WDR7: variants seen among roughly 807,000 people sequenced by gnomAD.
The protein encoded by WDR7 is WD repeat domain 7, also known as WD repeat-containing protein 7.
In WDR7, 46 loss-of-function variants were observed where a neutral mutation model predicts 169.4. The ratio of observed to expected loss-of-function variants is 0.27; its 90% CI spans 0.21 to 0.35. The LOEUF is 0.35. Ranked by LOEUF, WDR7 falls within the 10% of genes least tolerant of loss-of-function variation. The probability of loss-of-function intolerance (pLI) is 1.00; values close to 1 mark genes in which losing one functional copy is unlikely to be tolerated. For synonymous variants in WDR7, 612 were observed against 666.8 expected (o/e 0.92, Z 1.27); for missense variants, 1,534 against 1,859.3 (o/e 0.83, Z 3.22).
intron 19 of WDR7, among the ~76,000 whole-genome samples, chr18:56,791,619 G>A (rs1017567303): frequency 5.3e-5 from 8 of 152,026 alleles, no homozygotes; most frequent in Non-Finnish European, 1.2e-4. Context: ...CTGGAGGATT[G>A]GGCCTTTTCA....
At chr18:56,929,375 G>A (rs1157845326) in intron 22 of WDR7, among the ~76,000 whole-genome samples, 2 of 152,148 alleles carry the variant, frequency 1.3e-5, no homozygotes, top group Non-Finnish European at 2.9e-5. Context: ...CATATATTAT[G>A]TGTTTATTCT....
chr18:56,855,720 T>G (rs549772494), intron 20 of WDR7, among the ~76,000 whole-genome samples: 31 of 152,228 alleles, frequency 2.0e-4, no homozygotes, highest in Non-Finnish European at 4.4e-4. Flanking sequence ...AATTAGTCTT[T>G]ATATCCAGTT....
chr18:56,939,465 G>T, intron 25 of WDR7, 72 bp downstream of exon 25: 1 of 1,063,010 alleles, frequency 9.4e-7, no homozygotes, highest in Non-Finnish European at 1.3e-6. Flanking sequence ...TTTTTGGCAT[G>T]GTGTTAGTAG....
intron 21 of WDR7, among the ~76,000 whole-genome samples, chr18:56,916,547 C>T (rs2046628080): frequency 6.6e-6 from 1 of 152,076 alleles, no homozygotes; most frequent in Non-Finnish European, 1.5e-5. Context: ...ATAAAAATTA[C>T]AAATGGAAGG....
chr18:56,782,355 A>T (rs2044330320), intron 19 of WDR7, among the ~76,000 whole-genome samples: 1 of 152,096 alleles, frequency 6.6e-6, no homozygotes, highest in Non-Finnish European at 1.5e-5. Context: ...TTCTAAAAAC[A>T]GTTTAGTTAC....
intron 22 of WDR7, among the ~76,000 whole-genome samples, chr18:56,933,071 A>T (rs529483973): frequency 2.0e-5 from 3 of 152,246 alleles, no homozygotes; most frequent in African/African-American, 7.2e-5. Context: ...CTGGGGACAG[A>T]CTGGACTTCT....
At chr18:56,970,258 T>A (rs2047464896) in intron 26 of WDR7, among the ~76,000 whole-genome samples, 2 of 151,372 alleles carry the variant, frequency 1.3e-5, no homozygotes, top group African/African-American at 2.4e-5. Flanking sequence ...GCTGTTTTTT[T>A]TTTCCCCCAG....
At chr18:56,762,217 G>A (rs1035628974) in intron 16 of WDR7, among the ~76,000 whole-genome samples, 2 of 151,632 alleles carry the variant, frequency 1.3e-5, no homozygotes, top group Non-Finnish European at 2.9e-5. Flanking sequence ...TATTGTATTT[G>A]ATTTAATATT....
intron 13 of WDR7, among the ~76,000 whole-genome samples, chr18:56,718,920 C>G (rs2026253969): frequency 6.6e-6 from 1 of 152,146 alleles, no homozygotes; most frequent in Non-Finnish European, 1.5e-5. Flanking sequence ...AGACTATATA[C>G]ATATTTGTGC....
intron 17 of WDR7, among the ~76,000 whole-genome samples, chr18:56,777,680 G>GT (rs1420207248): frequency 6.6e-6 from 1 of 152,134 alleles, no homozygotes. Flanking sequence ...AAATATAACA[G>GT]TAAGACCTGG....
chr18:57,011,871 A>G (rs1401585715), intron 26 of WDR7, among the ~76,000 whole-genome samples: 1 of 152,186 alleles, frequency 6.6e-6, no homozygotes, highest in Non-Finnish European at 1.5e-5. Context: ...TTTAGTTTTT[A>G]TATTTTGCGT....
At chr18:56,751,857 G>A (rs1417319565) in intron 14 of WDR7, among the ~76,000 whole-genome samples, 1 of 152,100 alleles carries the variant, frequency 6.6e-6, no homozygotes, top group Non-Finnish European at 1.5e-5. Flanking sequence ...GAAATAAAAG[G>A]GTAATGTACA....
intron 26 of WDR7, among the ~76,000 whole-genome samples, chr18:56,981,101 T>C (rs1294656846): frequency 6.6e-6 from 1 of 152,156 alleles, no homozygotes. Context: ...TTGACCGTTA[T>C]GAAGACAGTG....
chr18:56,968,514 A>C (rs896110378), intron 26 of WDR7, among the ~76,000 whole-genome samples: 2 of 152,170 alleles, frequency 1.3e-5, no homozygotes, highest in African/African-American at 4.8e-5. Flanking sequence ...TGAGTCATAA[A>C]AGATCTATCT....
At chr18:56,986,885 T>TG (rs2047729074) in intron 26 of WDR7, among the ~76,000 whole-genome samples, 1 of 135,276 alleles carries the variant, frequency 7.4e-6, no homozygotes, top group South Asian at 2.5e-4. Context: ...TTAAACCCTG[T>TG]AAGTCTCAAG....
chr18:56,709,743 C>T (rs2026041310), intron 12 of WDR7, among the ~76,000 whole-genome samples: 1 of 152,112 alleles, frequency 6.6e-6, no homozygotes, highest in African/African-American at 2.4e-5. Flanking sequence ...TGTCATTTTT[C>T]ATTATTGATT....
intron 20 of WDR7, among the ~76,000 whole-genome samples, chr18:56,861,809 A>G (rs972299057): frequency 6.6e-6 from 1 of 152,146 alleles, no homozygotes; most frequent in Non-Finnish European, 1.5e-5. Flanking sequence ...TGAAAATTAA[A>G]TCTCATGATT....
chr18:56,717,258 C>T (rs1403409707), intron 12 of WDR7, among the ~76,000 whole-genome samples: 1 of 152,174 alleles, frequency 6.6e-6, no homozygotes, highest in East Asian at 1.9e-4. Context: ...GGGTTCAGTT[C>T]TCTCTTACCA....
intron 21 of WDR7, among the ~76,000 whole-genome samples, chr18:56,881,504 C>G (rs1011750833): frequency 6.6e-6 from 1 of 152,102 alleles, no homozygotes; most frequent in Non-Finnish European, 1.5e-5. Flanking sequence ...GTCTGTTGTT[C>G]CAGAGTTCAT....
Sources: allele counts gnomAD v4.1 joint callset (sites outside exome capture counted in the v4.1 genomes callset), GRCh38; gene constraint gnomAD v4.1.1; transcripts MANE v1.5; gene names NCBI Gene and HGNC (gene_info 2026-07-23, HGNC 2026-07-21).